BRINP1: variants seen among roughly 807,000 people sequenced by gnomAD.
BRINP1 encodes the protein BMP/retinoic acid-inducible neural-specific protein 1.
A neutral mutation model predicts 72.9 loss-of-function variants in BRINP1; 17 were observed. The observed-to-expected ratio is 0.23, with a 90% CI of 0.16 to 0.35. The LOEUF is 0.35. Ranked by LOEUF, BRINP1 falls within the 10% of genes least tolerant of loss-of-function variation. The pLI is 1.00. For missense variants in BRINP1, 850 were observed against 1,001.6 expected, an observed-to-expected ratio of 0.85 and a Z score of 2.04; for synonymous variants, 418 against 378.5, an observed-to-expected ratio of 1.10 and a Z score of -1.21.
At chr9:119,275,905 C>T (rs1046515396) in intron 2 of BRINP1, among the ~76,000 whole-genome samples, 1 of 152,086 alleles carries the variant, frequency 6.6e-6, no homozygotes, top group African/African-American at 2.4e-5. Context: ...GAGCGAAATC[C>T]TCCCTCTGTC....
At chr9:119,188,428 G>A (rs1042168313) in intron 7 of BRINP1, among the ~76,000 whole-genome samples, 2 of 152,106 alleles carry the variant, frequency 1.3e-5, no homozygotes, top group African/African-American at 4.8e-5. Flanking sequence ...CCCAGACAAA[G>A]AAAAGCTGAG....
chr9:119,237,377 T>TTATTATTATTA (rs1830202619), intron 5 of BRINP1, among the ~76,000 whole-genome samples: 1 of 74,434 alleles, frequency 1.3e-5, no homozygotes, highest in Non-Finnish European at 2.5e-5. Context: ...TATTATTATT[T>TTATTATTATTA]TGAGGTGGAG....
chr9:119,302,447 T>C (rs1463523101), intron 2 of BRINP1, among the ~76,000 whole-genome samples: 1 of 152,196 alleles, frequency 6.6e-6, no homozygotes, highest in African/African-American at 2.4e-5. Flanking sequence ...ATTAAATTGT[T>C]TGGATCTAAC....
chr9:119,248,734 A>G (rs1830348236), intron 3 of BRINP1, among the ~76,000 whole-genome samples: 1 of 152,242 alleles, frequency 6.6e-6, no homozygotes, highest in Admixed American at 6.5e-5. Flanking sequence ...GTATTTTCAG[A>G]AAATTTAGTA....
At chr9:119,367,750 A>G (rs1427306427) in intron 1 of BRINP1, among the ~76,000 whole-genome samples, 2 of 152,182 alleles carry the variant, frequency 1.3e-5, no homozygotes, top group Non-Finnish European at 2.9e-5. Flanking sequence ...TTACTGCCAC[A>G]TTCTGTCATG....
In BRINP1 at chr9:119,167,259, T is replaced by C; in HGVS notation, c.2111A>G (p.Asn704Ser). The change falls in exon 8 of 8, where the codon AAT (asparagine) becomes AGT (serine). Residue 704 changes from asparagine (N) to serine (S), a missense_variant. Transcript: ENST00000265922. This position sits in a 1 kb window ranked among gnomAD's most constrained non-coding sequence, Gnocchi z 4.3. ...LLLLDIRDRI[N>S]RLAPPVAPGK... ...CGGGGCCACAGGAGGGGCCAGGCGA[T>C]TAATTCGGTCCCGAATATCCAACAA... The C allele has an allele frequency of 6.2e-7, 1 of 1,614,202 alleles. No homozygotes were observed. The highest frequency in any genetic ancestry group is 8.5e-7 in the Non-Finnish European group (1 of 1,180,036).
At chr9:119,249,724 T>C (rs1773309081) in intron 2 of BRINP1, among the ~76,000 whole-genome samples, 1 of 151,302 alleles carries the variant, frequency 6.6e-6, no homozygotes, top group Non-Finnish European at 1.5e-5. Context: ...TCTTAGGCAC[T>C]CCCTAACCCA....
chr9:119,318,023 G>A (rs532100252), intron 1 of BRINP1, among the ~76,000 whole-genome samples: 1 of 152,322 alleles, frequency 6.6e-6, no homozygotes, highest in South Asian at 2.1e-4. Flanking sequence ...TTGCTTTATT[G>A]TGGTCATCTG....
intron 2 of BRINP1, among the ~76,000 whole-genome samples, chr9:119,301,777 T>C (rs1026814299): frequency 1.3e-5 from 2 of 152,340 alleles, no homozygotes; most frequent in South Asian, 2.1e-4. Context: ...TGTACTATCG[T>C]AGCAACTTCT....
chr9:119,307,934 T>C (rs1056959017), intron 2 of BRINP1, among the ~76,000 whole-genome samples: 13 of 152,184 alleles, frequency 8.5e-5, no homozygotes, highest in Non-Finnish European at 1.2e-4. Flanking sequence ...CACATGCCTA[T>C]GACAGGTCCT....
intron 4 of BRINP1, 100 bp from the exon 5 acceptor site, chr9:119,238,860 G>T (rs41273917): frequency 3.0e-5 from 22 of 722,148 alleles, no homozygotes; most frequent in Non-Finnish European, 2.3e-6. Flanking sequence ...TGCAGAAAAG[G>T]CCTCCTGGTT....
At chr9:119,220,429 A>C (rs921813854) in intron 5 of BRINP1, among the ~76,000 whole-genome samples, 3 of 152,180 alleles carry the variant, frequency 2.0e-5, no homozygotes, top group African/African-American at 7.2e-5. Flanking sequence ...AGGTGAACCT[A>C]AGACCTGAAG....
intron 2 of BRINP1, among the ~76,000 whole-genome samples, chr9:119,252,758 T>C (rs1288091391): frequency 2.0e-5 from 3 of 152,130 alleles, no homozygotes; most frequent in Non-Finnish European, 4.4e-5. Flanking sequence ...TCTTTTAATG[T>C]AAATATCGAG....
chr9:119,254,106 C>T (rs143967977), intron 2 of BRINP1, among the ~76,000 whole-genome samples: 4 of 152,278 alleles, frequency 2.6e-5, no homozygotes, highest in African/African-American at 9.6e-5. Context: ...AGGTTGATTA[C>T]ATATTCGAAA....
At chr9:119,266,796 C>T (rs141153695) in intron 2 of BRINP1, among the ~76,000 whole-genome samples, 372 of 152,298 alleles carry the variant, frequency 2.4e-3, no homozygotes, top group Non-Finnish European at 3.2e-3. Context: ...TAATGTTCTC[C>T]GGTTCCATCC....
At chr9:119,303,488 T>C (rs1830962452) in intron 2 of BRINP1, among the ~76,000 whole-genome samples, 1 of 152,196 alleles carries the variant, frequency 6.6e-6, no homozygotes, top group Non-Finnish European at 1.5e-5. Flanking sequence ...TCACCTGGGC[T>C]GATTAATAAA....
At chr9:119,235,917 A>G (rs1463142334) in intron 5 of BRINP1, among the ~76,000 whole-genome samples, 1 of 152,202 alleles carries the variant, frequency 6.6e-6, no homozygotes, top group East Asian at 1.9e-4. Flanking sequence ...TTCTCTGACA[A>G]CAGGGAGTGA....
chr9:119,351,371 C>T (rs185900786), intron 1 of BRINP1, among the ~76,000 whole-genome samples: 17 of 152,132 alleles, frequency 1.1e-4, no homozygotes, highest in African/African-American at 4.1e-4. Context: ...TCAAGTTATG[C>T]CATTGGATCT....
At chr9:119,216,938 T>G (rs1229935555) in intron 5 of BRINP1, among the ~76,000 whole-genome samples, 1 of 152,238 alleles carries the variant, frequency 6.6e-6, no homozygotes, top group African/African-American at 2.4e-5. Flanking sequence ...AACTGGCTGC[T>G]CTTTAAAAAT....
Sources: allele counts gnomAD v4.1 joint callset (sites outside exome capture counted in the v4.1 genomes callset), GRCh38; gene constraint gnomAD v4.1.1; non-coding constraint Gnocchi (gnomAD v3.1); transcripts MANE v1.5; gene names NCBI Gene and HGNC (gene_info 2026-07-23, HGNC 2026-07-21).